C21orf58: variants seen among roughly 807,000 people sequenced by gnomAD.
C21orf58 encodes chromosome 21 open reading frame 58, also known as uncharacterized protein C21orf58.
In C21orf58, 34 loss-of-function variants were observed where a neutral mutation model predicts 35.8. That is an observed-to-expected ratio of 0.95 (90% CI 0.72 to 1.26). The LOEUF is 1.26. Among genes scored for constraint, C21orf58 ranks in the 50% most tolerant of loss-of-function variants. The pLI, the probability that C21orf58 is intolerant of heterozygous loss-of-function variation, is 0.00. For missense variants in C21orf58, 440 were observed against 414.3 expected (o/e 1.06, Z -0.54); for synonymous variants, 191 against 175.8 (o/e 1.09, Z -0.68).
chr21:46,318,223 G>T lies in C21orf58; in HGVS notation c.101-3C>A. The T allele has an allele frequency of 6.2e-7, 1 of 1,611,792 alleles. No homozygotes were observed. Among genetic ancestry groups the T allele is most frequent in the Non-Finnish European group, 8.5e-7 (1 of 1,179,938 alleles). ...GGCCTTACCTCCTGGAGACCAGCCT[G>T]AGGGAAGAGAAGAGCCCTGTGGGAA... On this transcript the variant is annotated splice_polypyrimidine_tract_variant and splice_region_variant and intron_variant, in intron 1 of 7. Transcript: ENST00000291691.
chr21:46,320,106 T>C (rs950106540), intron 1 of C21orf58, among the ~76,000 whole-genome samples: 6 of 151,962 alleles, frequency 3.9e-5, no homozygotes, highest in South Asian at 2.1e-4. Flanking sequence ...CTCCATCTTA[T>C]GTATTTTTTT....
intron 1 of C21orf58, among the ~76,000 whole-genome samples, chr21:46,319,971 TA>T (rs2083100937): frequency 6.6e-6 from 1 of 152,044 alleles, no homozygotes. Flanking sequence ...CCACAGTCAT[TA>T]ACAGTGACAG....
At position 46,311,482 on chromosome 21, in the gene C21orf58, G is replaced by T; in HGVS notation, c.695C>A (p.Thr232Asn). 1 of 1,607,654 alleles carries T rather than the reference G, an allele frequency of 6.2e-7. No homozygotes were observed. Among genetic ancestry groups the T allele is most frequent in the South Asian group, 1.1e-5 (1 of 89,904 alleles). The change falls in exon 6 of 8, where the codon ACT (threonine) becomes AAT (asparagine). Residue 232 changes from threonine (T) to asparagine (N), a missense_variant. Coordinates refer to ENST00000291691, the MANE Select transcript of C21orf58 (RefSeq NM_058180.5). ...AQIPPPQAFP[T>N]QRSGSIKEDM... ...TTCCTTAATACTTCCTGACCGTTGA[G>T]TAGGGAAGGCCTGGGGAGGAGGAAT... is the stretch of plus-strand genomic sequence containing the variant.
intron 4 of C21orf58, 29 bp downstream of exon 4, chr21:46,315,445 C>T (rs531128272): frequency 7.1e-7 from 1 of 1,401,752 alleles, no homozygotes; most frequent in African/African-American, 1.4e-5. Context: ...TGAGCTCAGC[C>T]AGGTTCGCTC....
At chr21:46,314,131 G>GTTTTTTTTTTTTGTT (rs140166854) in intron 5 of C21orf58, among the ~76,000 whole-genome samples, 56 of 145,042 alleles carry the variant, frequency 3.9e-4, no homozygotes, top group East Asian at 6.0e-4. Context: ...GCATGATAAA[G>GTTTTTTTTTTTTGTT]TTTTTTTTTT....
chr21:46,318,067 A>G lies in C21orf58; in HGVS notation c.254T>C (p.Leu85Pro), dbSNP rs1462308300. The G allele has an allele frequency of 6.2e-7, 1 of 1,613,390 alleles. No individual in the cohort carries two copies. The highest frequency in any genetic ancestry group is 1.3e-5 in the African/African-American group (1 of 74,942). Reference protein sequence around the residue: ...LQSSPAAPTMLDSSAAEQVTR... With the variant: ...LQSSPAAPTMPDSSAAEQVTR... ...CACTTGCTCTGCTGCTGATGAGTCC[A>G]GCATGGTGGGAGCTGCAGGAGACGA... Residue 85 changes from leucine (L) to proline (P), a missense_variant, in exon 2 of 8, where the codon CTG (leucine) becomes CCG (proline). Coordinates refer to ENST00000291691, the MANE Select transcript of C21orf58 (RefSeq NM_058180.5).
At chr21:46,308,437 G>C (rs554800788) in intron 6 of C21orf58, among the ~76,000 whole-genome samples, 3 of 152,078 alleles carry the variant, frequency 2.0e-5, no homozygotes, top group African/African-American at 7.2e-5. Context: ...CTCCAGCCTG[G>C]GCAAAAGAGT....
At chr21:46,305,320 AATT>A (rs1222563996) in intron 6 of C21orf58, among the ~76,000 whole-genome samples, 11 of 150,990 alleles carry the variant, frequency 7.3e-5, no homozygotes, top group Non-Finnish European at 1.0e-4. Flanking sequence ...TTTAATCACA[AATT>A]AATCTTTTTT....
At position 46,315,478 on chromosome 21, in the gene C21orf58, A is replaced by G; in HGVS notation, c.440T>C (p.Leu147Pro). ...CTCAGAGGGTGCAGGGCCTACCCGG[A>G]GTCTCTGCAGAAGGTCCCTCCTTCT... ...LKRRRDLLQR[L>P]REQHLLDELS... Residue 147 changes from leucine to proline, a missense_variant, in exon 4 of 8, where the codon CTC (leucine) becomes CCC (proline). Coordinates refer to ENST00000291691, the MANE Select transcript of C21orf58 (RefSeq NM_058180.5). 1 of 1,598,364 alleles carries G rather than the reference A, an allele frequency of 6.3e-7. No individual in the cohort carries two copies. The highest frequency in any genetic ancestry group is 1.7e-4 in the Middle Eastern group (1 of 6,032).
intron 6 of C21orf58, among the ~76,000 whole-genome samples, chr21:46,309,461 CAAAAA>C (rs1231165345): frequency 1.1e-5 from 1 of 90,290 alleles, no homozygotes; most frequent in Non-Finnish European, 2.2e-5. Context: ...GACTCCGTCT[CAAAAA>C]AAAAAAAAAA....
intron 5 of C21orf58, 70 bp from the exon 6 acceptor site, chr21:46,311,637 A>C: frequency 1.2e-6 from 1 of 853,086 alleles, no homozygotes; most frequent in Non-Finnish European, 1.8e-6. Flanking sequence ...TCTACCACCC[A>C]TCCATCCACC....
At chr21:46,302,227 A>C (rs954441272) in intron 7 of C21orf58, 73 bp from the exon 8 acceptor site, 13 of 1,432,216 alleles carry the variant, frequency 9.1e-6, no homozygotes, top group Non-Finnish European at 1.0e-5. Flanking sequence ...CCTGTTCCTA[A>C]CTGGGGCTGG....
At position 46,314,847 on chromosome 21, in the gene C21orf58, G is replaced by A. The variant is rs1423245199; in HGVS notation, c.478C>T (p.Gln160Ter). ...QHLLDELSRA[Q>*]AWSGPSRGAL... ...CCTCTGCTTGGCCCGCTCCAGGCCTGGGCCCGAGAGAGCTCGTCCAGGAGG... is the reference window on the plus strand; with the variant it reads ...CCTCTGCTTGGCCCGCTCCAGGCCTAGGCCCGAGAGAGCTCGTCCAGGAGG... The change falls in exon 5 of 8, where the codon CAG becomes TAG. Residue 160 changes from glutamine (Q) to a stop codon, truncating the protein, a stop_gained. Coordinates refer to ENST00000291691, the MANE Select transcript of C21orf58 (RefSeq NM_058180.5). LOFTEE classifies it high-confidence loss of function. 1.3e-6 allele frequency: 2 copies of A among 1,550,288 alleles called. No homozygotes were observed. The highest frequency in any genetic ancestry group is 4.9e-5 in the East Asian group (2 of 40,930).
At chr21:46,302,354 G>T in intron 7 of C21orf58, 131 bp downstream of exon 7, 1 of 1,058,322 alleles carries the variant, frequency 9.4e-7, no homozygotes, top group East Asian at 2.6e-5. Flanking sequence ...GGGGATGGGG[G>T]CTTCACAGCC....
rs1377306535 is a variant in C21orf58 at position 46,323,591 on chromosome 21, G to A, written c.-853C>T. ...GCGCATTCGGCGGGCTGGTGGCGTA[G>A]GATTTTGTTTCGGGTTCCCAGGGTC... On this transcript the variant is annotated 5_prime_UTR_variant, in exon 1 of 8. Coordinates refer to ENST00000291691, the MANE Select transcript of C21orf58 (RefSeq NM_058180.5). 1.3e-5 allele frequency: 2 copies of A among 153,400 alleles called. No homozygotes were observed. The highest frequency in any genetic ancestry group is 6.5e-5 in the Admixed American group (1 of 15,366). 9.5% of individuals were successfully genotyped at this position (153,400 alleles called of 1,614,324 possible).
Position 46,322,648 on chromosome 21 carries a change from G to C in C21orf58, c.91C>G (p.Leu31Val). ...TGGACACCCCGCTCACCACACAGAA[G>C]ACTGTGGCCTGAGTCAGGAGAAGGA... ...KLPSPDSGHS[L>V]LCGWSPGGKA... The change falls in exon 1 of 8, where the codon CTT becomes GTT. Residue 31 changes from leucine to valine, a missense_variant. Physicochemically the swap from Leu to Val is conservative, Grantham distance 32. Coordinates refer to ENST00000291691, the MANE Select transcript of C21orf58 (RefSeq NM_058180.5). 3.2e-6 allele frequency: 5 copies of C among 1,586,192 alleles called. No homozygotes were observed. Among genetic ancestry groups the C allele is most frequent in the South Asian group, 1.1e-5 (1 of 87,102 alleles).
chr21:46,306,702 C>T (rs558582689), intron 6 of C21orf58, among the ~76,000 whole-genome samples: 2 of 152,194 alleles, frequency 1.3e-5, no homozygotes, highest in African/African-American at 4.8e-5. Context: ...ATCCTTCCAC[C>T]TCAGCCTCCC....
intron 6 of C21orf58, among the ~76,000 whole-genome samples, chr21:46,303,391 G>C (rs1411925314): frequency 1.3e-5 from 2 of 151,764 alleles, no homozygotes; most frequent in Non-Finnish European, 2.9e-5. Context: ...CATGAAGAGA[G>C]TGAAAAGGCA....
Position 46,301,233 on chromosome 21 carries a change from C to T in C21orf58, c.*766G>A, listed in dbSNP as rs943054133. The T allele has an allele frequency of 2.9e-6, 1 of 347,098 alleles. No homozygotes were observed. Among genetic ancestry groups the T allele is most frequent in the African/African-American group, 2.2e-5 (1 of 44,918 alleles). 21.5% of individuals were successfully genotyped at this position (347,098 alleles called of 1,614,324 possible). A position where few individuals can be genotyped will look rare whatever the true frequency, so the allele number is the denominator to read the frequency against. Reference sequence around the variant, plus strand: ...CAGAGCTCACTGCAGCTTCTAACTCCTGGGCTCAAGCAATCCTCCCACCTC... The same window carrying T: ...CAGAGCTCACTGCAGCTTCTAACTCTTGGGCTCAAGCAATCCTCCCACCTC... On this transcript the variant is annotated 3_prime_UTR_variant, in exon 8 of 8. Coordinates refer to ENST00000291691, the MANE Select transcript of C21orf58 (RefSeq NM_058180.5).
Sources: allele counts gnomAD v4.1 joint callset (sites outside exome capture counted in the v4.1 genomes callset), GRCh38; gene constraint gnomAD v4.1.1; transcripts MANE v1.5; gene names NCBI Gene and HGNC (gene_info 2026-07-23, HGNC 2026-07-21).